Variants in CLINT1 observed in about 807,000 individuals in gnomAD.
CLINT1 encodes clathrin interacting protein localized in the trans-Golgi region.
In CLINT1, 15 loss-of-function variants were observed where a neutral mutation model predicts 70.4. That is an observed-to-expected ratio of 0.21 (90% confidence interval 0.14 to 0.33). The LOEUF (loss-of-function observed/expected upper bound fraction) is 0.33, where lower values mean the gene tolerates loss of function less well. Ranked by LOEUF, CLINT1 falls within the 10% of genes least tolerant of loss-of-function variation. The pLI is 1.00. For synonymous variants in CLINT1, 227 were observed against 254.7 expected (o/e 0.89, Z 1.04); for missense variants, 615 against 778.1 (o/e 0.79, Z 2.49).
chr5:157,808,868 T>C (rs1762462243), intron 6 of CLINT1, among the ~76,000 whole-genome samples: 2 of 152,124 alleles, frequency 1.3e-5, no homozygotes, highest in Non-Finnish European at 1.5e-5. Context: ...AAACTTAATA[T>C]ATAAACTTCA....
intron 6 of CLINT1, among the ~76,000 whole-genome samples, chr5:157,808,013 C>T (rs1347588181): frequency 6.6e-6 from 1 of 152,086 alleles, no homozygotes; most frequent in Non-Finnish European, 1.5e-5. Context: ...AGAGCTAGAA[C>T]TTATTTTTAG....
At chr5:157,838,557 C>T (rs1400548247) in intron 1 of CLINT1, among the ~76,000 whole-genome samples, 3 of 152,124 alleles carry the variant, frequency 2.0e-5, no homozygotes, top group African/African-American at 4.8e-5. Context: ...ATTTTGCAAA[C>T]GTGGATAGTT....
intron 8 of CLINT1, among the ~76,000 whole-genome samples, chr5:157,800,429 T>C (rs1762176423): frequency 6.6e-6 from 1 of 152,138 alleles, no homozygotes; most frequent in South Asian, 2.1e-4. Flanking sequence ...TAGATTCTTA[T>C]ACCTTCTCGT....
intron 1 of CLINT1, among the ~76,000 whole-genome samples, chr5:157,848,644 C>T (rs1199581667): frequency 6.6e-6 from 1 of 151,956 alleles, no homozygotes; most frequent in African/African-American, 2.4e-5. Context: ...GCTGGGACTA[C>T]AGGGGTGCGC....
intron 1 of CLINT1, among the ~76,000 whole-genome samples, chr5:157,856,507 G>A (rs1753764494): frequency 6.6e-6 from 1 of 152,142 alleles, no homozygotes; most frequent in Admixed American, 6.5e-5. Context: ...TTCTTCATTT[G>A]CAAGTTCCTT....
At position 157,809,621 on chromosome 5, in the gene CLINT1, A is replaced by C. The variant is rs1372299223; in HGVS notation, c.695+7T>G. The C allele has an allele frequency of 6.3e-7, 1 of 1,590,880 alleles. No individual in the cohort carries two copies. The highest frequency in any genetic ancestry group is 2.3e-5 in the East Asian group (1 of 43,626). Reference sequence around the variant, plus strand: ...TAAGAGACCCGGGAGACAAAGTGGTAAAATACCTGCATCTTTCTGGAGAGT... The same window carrying C: ...TAAGAGACCCGGGAGACAAAGTGGTCAAATACCTGCATCTTTCTGGAGAGT... On this transcript the variant is annotated splice_region_variant and intron_variant, in intron 6 of 11. Coordinates refer to ENST00000411809, the MANE Select transcript of CLINT1 (RefSeq NM_014666.4).
intron 10 of CLINT1, chr5:157,790,659 T>TTAGG (rs1311186252): frequency 2.2e-6 from 1 of 454,772 alleles, no homozygotes; most frequent in Non-Finnish European, 4.4e-6. Context: ...AATCTACACA[T>TTAGG]TAAAATGAGT....
At chr5:157,847,214 A>G (rs1753412971) in intron 1 of CLINT1, among the ~76,000 whole-genome samples, 2 of 152,186 alleles carry the variant, frequency 1.3e-5, no homozygotes, top group African/African-American at 4.8e-5. Context: ...TTTGCCATTA[A>G]GAATATTAGT....
At chr5:157,816,309 A>C (rs1023669354) in intron 3 of CLINT1, among the ~76,000 whole-genome samples, 1 of 152,208 alleles carries the variant, frequency 6.6e-6, no homozygotes, top group African/African-American at 2.4e-5. Context: ...TAAGTTTAAA[A>C]TTAGAATTAT....
chr5:157,835,149 C>T (rs956394109), intron 1 of CLINT1, among the ~76,000 whole-genome samples: 2 of 152,128 alleles, frequency 1.3e-5, no homozygotes, highest in Non-Finnish European at 2.9e-5. Flanking sequence ...ATGCTTTACA[C>T]GTTGGCAATT....
At chr5:157,823,993 G>A (rs1469959617) in intron 1 of CLINT1, among the ~76,000 whole-genome samples, 1 of 152,046 alleles carries the variant, frequency 6.6e-6, no homozygotes, top group Non-Finnish European at 1.5e-5. Flanking sequence ...AGTTTCATCC[G>A]GAAACTATCC....
chr5:157,817,554 A>AG lies in CLINT1; in HGVS notation c.42-8dup, dbSNP rs1360649580. ...ATTCATAACAACATTGGTGCTGTAG[A>AG]GGAAAAAAATGCACGCACACATGCA... On this transcript the variant is annotated splice_region_variant and splice_polypyrimidine_tract_variant and intron_variant, in intron 1 of 11. Transcript: ENST00000411809. 6.3e-7 allele frequency: 1 copy of AG among 1,576,454 alleles called. No homozygotes were observed. The highest frequency in any genetic ancestry group is 1.8e-5 in the Admixed American group (1 of 55,850).
chr5:157,813,132 T>C lies in CLINT1; in HGVS notation c.448A>G (p.Lys150Glu). ...QDDDRLREER[K>E]KAKKNKDKYV... ...TTGTCTTTGTTCTTCTTTGCTTTCT[T>C]TCGCTCTTCACGAAGCCTGTCGTCA... The change falls in exon 5 of 12, where the codon AAG becomes GAG. Residue 150 changes from lysine to glutamate, a missense_variant. Lys to Glu is a moderately conservative substitution (Grantham distance 56). Around this residue, in one of 2 missense-constraint regions of CLINT1, gnomAD observed 241 missense variants for 368.6 expected, o/e 0.65. Coordinates refer to ENST00000411809, the MANE Select transcript of CLINT1 (RefSeq NM_014666.4). 6.2e-7 allele frequency: 1 copy of C among 1,613,906 alleles called. No homozygotes were observed.
At chr5:157,806,515 G>A (rs1223328205) in intron 6 of CLINT1, among the ~76,000 whole-genome samples, 2 of 152,136 alleles carry the variant, frequency 1.3e-5, no homozygotes, top group South Asian at 2.1e-4. Context: ...GACATGGACT[G>A]TGTGCAAATT....
chr5:157,812,757 TC>T (rs1051323558), intron 5 of CLINT1, among the ~76,000 whole-genome samples: 1 of 152,176 alleles, frequency 6.6e-6, no homozygotes, highest in Non-Finnish European at 1.5e-5. Flanking sequence ...TCTTCCCCCT[TC>T]TTTTTAAAAT....
chr5:157,815,442 C>CAGTATA (rs1762690826), intron 3 of CLINT1, among the ~76,000 whole-genome samples: 1 of 152,114 alleles, frequency 6.6e-6, no homozygotes, highest in Admixed American at 6.5e-5. Context: ...TCCTACAAAA[C>CAGTATA]TTTGTGAATA....
rs368583053 is a variant in CLINT1 at position 157,825,866 on chromosome 5, T to C, written c.42-8319A>G. 2.6e-5 allele frequency among the ~76,000 whole-genome samples: 4 copies of C among 152,296 alleles called. No individual in the cohort carries two copies. The East Asian group carries it at 5.8e-4, about 22-fold the overall frequency. ...TCAATAATCGTTGAATCCAGTATTATCATGAAGGCAGAGAAATGAACCACA... is the reference window on the plus strand; with the variant it reads ...TCAATAATCGTTGAATCCAGTATTACCATGAAGGCAGAGAAATGAACCACA... On this transcript the variant is annotated intron_variant, in intron 1 of 11. Coordinates refer to ENST00000411809, the MANE Select transcript of CLINT1 (RefSeq NM_014666.4).
intron 1 of CLINT1, among the ~76,000 whole-genome samples, chr5:157,836,289 C>T (rs1364741229): frequency 6.6e-6 from 1 of 152,202 alleles, no homozygotes; most frequent in Non-Finnish European, 1.5e-5. Flanking sequence ...CCCCATTTTA[C>T]AGATGAGAAA....
intron 1 of CLINT1, among the ~76,000 whole-genome samples, chr5:157,853,597 C>T (rs1021041487): frequency 3.3e-5 from 5 of 151,362 alleles, no homozygotes; most frequent in Admixed American, 6.6e-5. Flanking sequence ...GCCAACATGA[C>T]GAAATCTCGT....
Sources: gnomAD v4.1 joint callset for allele counts (sites outside exome capture counted in the v4.1 genomes callset) on GRCh38, gnomAD v4.1.1 for gene constraint, gnomAD v4.1.1 regional missense constraint, MANE v1.5 for transcripts, NCBI Gene and HGNC (gene_info 2026-07-23, HGNC 2026-07-21) for gene names.